Variants in TMC5 observed in about 807,000 individuals in gnomAD.
The protein encoded by TMC5 is transmembrane channel-like protein 5.
Under a neutral mutation model 110.5 loss-of-function variants are expected in TMC5, and 86 were observed. That is an observed-to-expected ratio of 0.78 (90% confidence interval 0.65 to 0.93). The LOEUF (loss-of-function observed/expected upper bound fraction) is 0.93. Ranked by LOEUF, TMC5 falls within the 40% of genes least tolerant of loss-of-function variation. The pLI, the probability that TMC5 is intolerant of heterozygous loss-of-function variation, is 0.00. For synonymous variants in TMC5, 455 were observed against 439.5 expected (o/e 1.04, Z -0.44); for missense variants, 1,144 against 1,222.8 (o/e 0.94, Z 0.96).
chr16:19,477,403 A>C, intron 12 of TMC5, 37 bp from the exon 13 acceptor site: 1 of 1,463,148 alleles, frequency 6.8e-7, no homozygotes. Context: ...AAAGACTGCC[A>C]TTGAAGGTAA....
chr16:19,497,226 A>C, intron 21 of TMC5, 63 bp downstream of exon 21: 2 of 1,535,904 alleles, frequency 1.3e-6, no homozygotes, highest in Non-Finnish European at 9.0e-7. Context: ...ATCCTAAGAC[A>C]AGTGTAAGAA....
upstream of TMC5, among the ~76,000 whole-genome samples, chr16:19,416,365 A>C (rs1966877458): frequency 6.6e-6 from 1 of 152,134 alleles, no homozygotes; most frequent in Non-Finnish European, 1.5e-5. Flanking sequence ...CCAGCCCTCA[A>C]TTGTCTACCT....
At chr16:19,426,854 C>T (rs1307096360) in intron 1 of TMC5, among the ~76,000 whole-genome samples, 1 of 152,122 alleles carries the variant, frequency 6.6e-6, no homozygotes, top group African/African-American at 2.4e-5. Flanking sequence ...TGCAGTGATT[C>T]TTAAACTTTG....
At chr16:19,492,956 T>C (rs1372966577) in intron 19 of TMC5, among the ~76,000 whole-genome samples, 2 of 69,202 alleles carry the variant, frequency 2.9e-5, no homozygotes, top group Non-Finnish European at 7.4e-5. Context: ...TAAATACTTT[T>C]ATTTCATTTA....
chr16:19,415,957 G>A (rs1260889363), upstream of TMC5, among the ~76,000 whole-genome samples: 2 of 152,182 alleles, frequency 1.3e-5, no homozygotes, highest in Non-Finnish European at 2.9e-5. Flanking sequence ...AAGGTGGGAT[G>A]ATCACTTGAG....
At chr16:19,455,662 C>T (rs149037458) in intron 5 of TMC5, among the ~76,000 whole-genome samples, 2 of 152,284 alleles carry the variant, frequency 1.3e-5, no homozygotes, top group African/African-American at 4.8e-5. Context: ...TTAGAAAGAG[C>T]ATTCCTGGAA....
chr16:19,446,835 CT>C (rs1490248304), intron 4 of TMC5, among the ~76,000 whole-genome samples: 1 of 152,144 alleles, frequency 6.6e-6, no homozygotes, highest in Non-Finnish European at 1.5e-5. Context: ...TCTCTGGGAT[CT>C]TTTGTAGGGC....
chr16:19,488,411 C>T (rs1968805841), intron 17 of TMC5, among the ~76,000 whole-genome samples: 1 of 152,044 alleles, frequency 6.6e-6, no homozygotes, highest in Non-Finnish European at 1.5e-5. Flanking sequence ...TGCCCCCCCA[C>T]CCCGTTCCTC....
At position 19,440,737 on chromosome 16, in the gene TMC5, C is replaced by A. The variant is rs762922378; in HGVS notation, c.699C>A (p.Asn233Lys). 6.2e-7 allele frequency: 1 copy of A among 1,614,212 alleles called. No homozygotes were observed. Among genetic ancestry groups the A allele is most frequent in the South Asian group, 1.1e-5 (1 of 91,086 alleles). Residue 233 changes from asparagine to lysine, a missense_variant, in exon 3 of 22, where the codon AAC (asparagine) becomes AAA (lysine). Asn to Lys is a moderately conservative substitution (Grantham distance 94). Coordinates refer to ENST00000542583, the MANE Select transcript of TMC5 (RefSeq NM_001261841.2). ...ATCCCAGTGCTGAGGACAATCAGAA[C>A]TTGCCAAGCACTTGGAGAGAACCTG... ...PDYPSAEDNQ[N>K]LPSTWREPDY...
At chr16:19,466,344 C>T in intron 9 of TMC5, 111 bp downstream of exon 9, 1 of 1,094,054 alleles carries the variant, frequency 9.1e-7, no homozygotes, top group East Asian at 2.5e-5. Flanking sequence ...CCTCTCCTCT[C>T]CTCTCCTCTC....
chr16:19,448,313 C>T (rs1396392710), intron 4 of TMC5, among the ~76,000 whole-genome samples: 2 of 151,898 alleles, frequency 1.3e-5, no homozygotes, highest in African/African-American at 4.8e-5. Context: ...CGCACACACA[C>T]ACACACACAC....
intron 13 of TMC5, 143 bp from the exon 14 acceptor site, chr16:19,479,288 G>C (rs1968558987): frequency 2.8e-6 from 2 of 719,302 alleles, no homozygotes; most frequent in African/African-American, 1.8e-5. Context: ...TTTTCAGAGT[G>C]GGTCTACTTT....
In TMC5 at chr16:19,463,295, AG is replaced by A. The variant is rs1567313404; in HGVS notation, c.1165del (p.Glu389LysfsTer19). ...TTCCCTACAGGAAAATAGTTGACAA[AG>A]AAAAAAGCAAACAGACCCATCGTAT... is the stretch of plus-strand genomic sequence containing the variant. ...KRNLRKIVDK[E>X]KSKQTHRILQ... On this transcript the variant is annotated frameshift_variant, in exon 7 of 22. Transcript: ENST00000542583. LOFTEE classifies it high-confidence loss of function. The A allele has an allele frequency of 6.2e-7, 1 of 1,613,772 alleles. No individual in the cohort carries two copies. Among genetic ancestry groups the A allele is most frequent in the Non-Finnish European group, 8.5e-7 (1 of 1,179,812 alleles).
chr16:19,455,399 C>T (rs1020108380), intron 5 of TMC5, among the ~76,000 whole-genome samples: 2 of 151,764 alleles, frequency 1.3e-5, no homozygotes, highest in Non-Finnish European at 2.9e-5. Context: ...CCAGCCTGGG[C>T]AACAGAGAGA....
upstream of TMC5, among the ~76,000 whole-genome samples, chr16:19,415,961 A>G (rs1313635272): frequency 1.3e-5 from 2 of 152,200 alleles, no homozygotes; most frequent in East Asian, 3.9e-4. Context: ...TGGGATGATC[A>G]CTTGAGCCCA....
rs1190837265 is a variant in TMC5, at chr16:19,440,542, C to T, written c.504C>T (p.Ser168=). 4 of 1,614,072 alleles carry T rather than the reference C, an allele frequency of 2.5e-6. No individual in the cohort carries two copies. In the African/African-American group the frequency reaches 4.0e-5, roughly 16 times the overall value. Residue 168 remains serine (S), a synonymous_variant, in exon 3 of 22, where the codon AGC becomes AGT. Coordinates refer to ENST00000542583, the MANE Select transcript of TMC5 (RefSeq NM_001261841.2). The stretch of plus-strand genomic sequence containing the variant: ...AACCGGACTACCCTGGAGCTCAGAG[C>T]AACTCTGATCATCCTGGACCCAGAG... ...SLEPDYPGAQ[S]NSDHPGPRAN...
At chr16:19,457,130 C>A in intron 5 of TMC5, 3 of 862,962 alleles carry the variant, frequency 3.5e-6, no homozygotes, top group Non-Finnish European at 5.2e-6. Flanking sequence ...TGGCTCACAC[C>A]TATAATCCTA....
upstream of TMC5, among the ~76,000 whole-genome samples, chr16:19,413,653 G>C (rs1966863747): frequency 6.7e-6 from 1 of 150,156 alleles, no homozygotes; most frequent in Non-Finnish European, 1.5e-5. Context: ...CTTTAATATG[G>C]TACTTGGTGG....
intron 17 of TMC5, among the ~76,000 whole-genome samples, chr16:19,488,929 A>C (rs190600795): frequency 6.0e-4 from 92 of 152,358 alleles, no homozygotes; most frequent in Non-Finnish European, 1.0e-3. Context: ...CAATTGAATG[A>C]ATTAATGAAC....
Sources: allele counts gnomAD v4.1 joint callset (sites outside exome capture counted in the v4.1 genomes callset), GRCh38; gene constraint gnomAD v4.1.1; transcripts MANE v1.5; gene names NCBI Gene and HGNC (gene_info 2026-07-23, HGNC 2026-07-21).